The following CYP39A1 variants were observed in gnomAD, a reference collection of about 807,000 sequenced individuals.
The protein encoded by CYP39A1 is 24-hydroxycholesterol 7-alpha-hydroxylase.
Under a neutral mutation model 58.1 loss-of-function variants are expected in CYP39A1, and 49 were observed. The ratio of observed to expected loss-of-function variants is 0.84; its 90% CI spans 0.67 to 1.07. The LOEUF (loss-of-function observed/expected upper bound fraction) is 1.07, where lower values mean the gene tolerates loss of function less well. Among genes scored for constraint, CYP39A1 ranks in the 50% least tolerant of loss-of-function variants. CYP39A1 has a pLI of 0.00. For synonymous variants in CYP39A1, 209 were observed against 187.6 expected (o/e 1.11, Z -0.93); for missense variants, 531 against 539.4 (o/e 0.98, Z 0.16).
intron 6 of CYP39A1, among the ~76,000 whole-genome samples, chr6:46,628,688 G>A (rs947731842): frequency 9.2e-5 from 14 of 152,108 alleles, no homozygotes; most frequent in African/African-American, 3.4e-4. Flanking sequence ...TCCAGGAAAA[G>A]ACAGGCCCCA....
In CYP39A1 at chr6:46,645,017, C is replaced by T. The variant is rs576919998; in HGVS notation, c.178-2719G>A. Among the ~76,000 whole-genome samples, 22 of 152,120 alleles carry T rather than the reference C, an allele frequency of 1.4e-4. No individual in the cohort carries two copies. In the East Asian group the frequency reaches 4.3e-3, roughly 29 times the overall value. ...ATTATATTGTTGAGTGTTGACAGTT[C>T]TTTATATATTCTAGATACTAGTCCT... On this transcript the variant is annotated intron_variant, in intron 1 of 11. Transcript: ENST00000275016.
chr6:46,608,740 G>A (rs1774005678), intron 7 of CYP39A1, among the ~76,000 whole-genome samples: 1 of 151,686 alleles, frequency 6.6e-6, no homozygotes, highest in Non-Finnish European at 1.5e-5. Flanking sequence ...TCAGCCTCCC[G>A]AGTAGCTGGG....
At chr6:46,618,541 T>G (rs572621214) in intron 7 of CYP39A1, among the ~76,000 whole-genome samples, 2 of 151,952 alleles carry the variant, frequency 1.3e-5, no homozygotes, top group East Asian at 3.9e-4. Flanking sequence ...AGGAACAAAA[T>G]AAAACCATAG....
At position 46,637,878 on chromosome 6, in the gene CYP39A1, A is replaced by C; in HGVS notation, c.589T>G (p.Tyr197Asp). ...GACCCATACTCAAAATCTTCATCAT[A>C]AACTTGAAAATACTGATGGAACTCC... ...IKEFHQYFQV[Y>D]DEDFEYGSQL... Residue 197 changes from tyrosine to aspartate, a missense_variant, in exon 4 of 12, where the codon TAT becomes GAT. Physicochemically the swap from Tyr to Asp is radical, Grantham distance 160. Transcript: ENST00000275016. 1 of 1,612,392 alleles carries C rather than the reference A, an allele frequency of 6.2e-7. No homozygotes were observed. The highest frequency in any genetic ancestry group is 1.1e-5 in the South Asian group (1 of 90,520).
chr6:46,622,181 CAG>C (rs1372305375), intron 7 of CYP39A1, among the ~76,000 whole-genome samples: 1 of 151,952 alleles, frequency 6.6e-6, no homozygotes, highest in Admixed American at 6.6e-5. Context: ...TAGAAGGAAA[CAG>C]AAAGTGACTC....
chr6:46,600,643 A>G (rs2150531009), intron 7 of CYP39A1, among the ~76,000 whole-genome samples: 1 of 152,226 alleles, frequency 6.6e-6, no homozygotes, highest in African/African-American at 2.4e-5. Context: ...AAATCCCTCA[A>G]TAAAGGGGTT....
At chr6:46,587,797 T>C (rs926570139) in intron 9 of CYP39A1, among the ~76,000 whole-genome samples, 2 of 152,328 alleles carry the variant, frequency 1.3e-5, no homozygotes, top group Admixed American at 6.5e-5. Context: ...TCTGGTTTCA[T>C]GTAAAATGTA....
rs556879064 is a variant in CYP39A1 at position 46,579,569 on chromosome 6, ATCTC to A, written c.1250+7504_1250+7507del. 2.4e-3 allele frequency among the ~76,000 whole-genome samples: 363 copies of A among 152,222 alleles called. 1 individual carries two copies. The Middle Eastern group carries it at 0.027, about 11-fold the overall frequency. The stretch of plus-strand genomic sequence containing the variant: ...AAATAGGAAGAGAATAAATCAAACT[ATCTC>A]TCTTCACAAACGATATGATTCTATA... On this transcript the variant is annotated intron_variant, in intron 10 of 11. Coordinates refer to ENST00000275016, the MANE Select transcript of CYP39A1 (RefSeq NM_016593.5).
intron 10 of CYP39A1, among the ~76,000 whole-genome samples, chr6:46,584,329 C>T (rs1772331397): frequency 6.6e-6 from 1 of 152,080 alleles, no homozygotes; most frequent in Non-Finnish European, 1.5e-5. Context: ...TTTTGACACA[C>T]TCTACTTTCA....
At chr6:46,645,422 T>C (rs1055575182) in intron 1 of CYP39A1, among the ~76,000 whole-genome samples, 1 of 152,158 alleles carries the variant, frequency 6.6e-6, no homozygotes, top group African/African-American at 2.4e-5. Flanking sequence ...CATCACCATT[T>C]GTTTAAAAAG....
chr6:46,559,432 T>C (rs967007023), intron 10 of CYP39A1, among the ~76,000 whole-genome samples: 4 of 152,228 alleles, frequency 2.6e-5, no homozygotes, highest in African/African-American at 9.6e-5. Context: ...TACTTTTCTC[T>C]AGGACTATAG....
At chr6:46,610,983 G>C (rs78588596) in intron 7 of CYP39A1, among the ~76,000 whole-genome samples, 1 of 152,180 alleles carries the variant, frequency 6.6e-6, no homozygotes, top group Non-Finnish European at 1.5e-5. Context: ...AAGTATCTGT[G>C]GTGAATACAG....
At chr6:46,564,137 T>G (rs1186035862) in intron 10 of CYP39A1, among the ~76,000 whole-genome samples, 2 of 123,100 alleles carry the variant, frequency 1.6e-5, no homozygotes, top group Admixed American at 7.8e-5. Context: ...TCTATTTTAT[T>G]CTATTCTATT....
rs139231691 is a variant in CYP39A1 at position 46,585,769 on chromosome 6, G to A, written c.1250+1308C>T. Among the ~76,000 whole-genome samples, 199 of 152,170 alleles carry A rather than the reference G, an allele frequency of 1.3e-3. 1 individual carries two copies. The highest frequency in any genetic ancestry group is 4.6e-3 in the African/African-American group (191 of 41,524). On this transcript the variant is annotated intron_variant, in intron 10 of 11. Coordinates refer to ENST00000275016, the MANE Select transcript of CYP39A1 (RefSeq NM_016593.5). ...GCTCCTCAAATCTGATGAATTCAGC[G>A]ACAAAATAATATTACTGAGATTCCA...
intron 10 of CYP39A1, among the ~76,000 whole-genome samples, chr6:46,576,825 T>G (rs184438460): frequency 6.6e-6 from 1 of 152,164 alleles, no homozygotes. Context: ...GAACAAAGTC[T>G]TTTAGAAATA....
chr6:46,550,792 G>A (rs1770350843), intron 11 of CYP39A1, among the ~76,000 whole-genome samples: 1 of 152,150 alleles, frequency 6.6e-6, no homozygotes, highest in African/African-American at 2.4e-5. Context: ...ATCGCTGAGT[G>A]AGATCTCCAT....
At chr6:46,592,106 T>C (rs1006719051) in intron 8 of CYP39A1, among the ~76,000 whole-genome samples, 1 of 152,028 alleles carries the variant, frequency 6.6e-6, no homozygotes, top group Non-Finnish European at 1.5e-5. Flanking sequence ...GGTAGCATAA[T>C]AAAGAGAAAG....
chr6:46,620,434 A>T (rs1311179964), intron 7 of CYP39A1, among the ~76,000 whole-genome samples: 4 of 152,204 alleles, frequency 2.6e-5, no homozygotes, highest in Non-Finnish European at 5.9e-5. Flanking sequence ...ATATTTAAAG[A>T]CAACTGTTTA....
At chr6:46,615,584 CT>C (rs966684463) in intron 7 of CYP39A1, among the ~76,000 whole-genome samples, 3 of 151,566 alleles carry the variant, frequency 2.0e-5, no homozygotes, top group African/African-American at 7.3e-5. Flanking sequence ...TGCTCATCCT[CT>C]TTTTTTTATT....
Sources: gnomAD v4.1 joint callset for allele counts (sites outside exome capture counted in the v4.1 genomes callset) on GRCh38, gnomAD v4.1.1 for gene constraint, MANE v1.5 for transcripts, NCBI Gene and HGNC (gene_info 2026-07-23, HGNC 2026-07-21) for gene names.